Variants in SGCZ observed in about 807,000 individuals in gnomAD.
SGCZ encodes zeta-sarcoglycan.
SGCZ carries 40 observed loss-of-function variants against 41.3 expected under a neutral mutation model. The ratio of observed to expected loss-of-function variants is 0.97; its 90% CI spans 0.75 to 1.26. The LOEUF (loss-of-function observed/expected upper bound fraction) is 1.26. Ranked by LOEUF, SGCZ falls within the 50% of genes most tolerant of loss-of-function variation. The pLI, the probability that SGCZ is intolerant of heterozygous loss-of-function variation, is 0.00. For missense variants in SGCZ, 552 were observed against 369.8 expected (o/e 1.49, Z -4.04); for synonymous variants, 206 against 137.5 (o/e 1.50, Z -3.49).
chr8:14,360,807 A>G (rs1434642811), intron 2 of SGCZ, among the ~76,000 whole-genome samples: 5 of 152,164 alleles, frequency 3.3e-5, no homozygotes, highest in Non-Finnish European at 5.9e-5. Flanking sequence ...TTACTCTGCC[A>G]TAAATGCCGC....
At chr8:15,108,428 A>G (rs943837717) in intron 1 of SGCZ, among the ~76,000 whole-genome samples, 2 of 152,340 alleles carry the variant, frequency 1.3e-5, no homozygotes, top group East Asian at 3.9e-4. Flanking sequence ...CATTTGTTGC[A>G]TAGGAATTGG....
intron 3 of SGCZ, among the ~76,000 whole-genome samples, chr8:14,258,614 T>C (rs182279245): frequency 3.3e-5 from 5 of 152,300 alleles, no homozygotes; most frequent in African/African-American, 9.6e-5. Flanking sequence ...TATCTATATA[T>C]TGTGATACTG....
chr8:15,149,246 T>C (rs1799115274), intron 1 of SGCZ, among the ~76,000 whole-genome samples: 1 of 152,016 alleles, frequency 6.6e-6, no homozygotes, highest in Non-Finnish European at 1.5e-5. Context: ...TGGGATGAGG[T>C]CTGGAAGGGA....
At chr8:15,096,845 C>T (rs1006192277) in intron 1 of SGCZ, among the ~76,000 whole-genome samples, 12 of 152,150 alleles carry the variant, frequency 7.9e-5, no homozygotes, top group Admixed American at 3.3e-4. Flanking sequence ...ACCACCACAC[C>T]TGGCTAATTT....
At chr8:14,610,092 T>C (rs143564588) in intron 1 of SGCZ, among the ~76,000 whole-genome samples, 1 of 152,318 alleles carries the variant, frequency 6.6e-6, no homozygotes, top group African/African-American at 2.4e-5. Flanking sequence ...TGGGCCCTGC[T>C]GGAAATCTTT....
chr8:14,215,886 A>G (rs1805977512), intron 4 of SGCZ, among the ~76,000 whole-genome samples: 1 of 152,252 alleles, frequency 6.6e-6, no homozygotes, highest in South Asian at 2.1e-4. Context: ...TGCAACCCGC[A>G]GACACTGGAC....
intron 1 of SGCZ, among the ~76,000 whole-genome samples, chr8:15,206,164 T>C (rs1406551301): frequency 6.6e-6 from 1 of 152,300 alleles, no homozygotes; most frequent in Non-Finnish European, 1.5e-5. Context: ...CCTTCATATG[T>C]ATGCCGGAAC....
intron 2 of SGCZ, among the ~76,000 whole-genome samples, chr8:14,434,734 T>A (rs1213618611): frequency 2.0e-5 from 3 of 152,162 alleles, no homozygotes; most frequent in Admixed American, 6.5e-5. Flanking sequence ...GCAACAGCTA[T>A]TGTAAAAGAA....
chr8:14,385,790 T>A (rs1034003397), intron 2 of SGCZ, among the ~76,000 whole-genome samples: 4 of 152,158 alleles, frequency 2.6e-5, no homozygotes, highest in African/African-American at 9.7e-5. Context: ...CTAAAATGCA[T>A]GTTTAATAAC....
At chr8:14,514,546 T>C (rs913064327) in intron 2 of SGCZ, among the ~76,000 whole-genome samples, 5 of 151,436 alleles carry the variant, frequency 3.3e-5, no homozygotes, top group Non-Finnish European at 5.9e-5. Flanking sequence ...TTATCATCAG[T>C]GTATGAATTT....
intron 1 of SGCZ, among the ~76,000 whole-genome samples, chr8:14,731,165 G>A (rs1192336193): frequency 3.3e-5 from 5 of 151,766 alleles, no homozygotes; most frequent in African/African-American, 1.2e-4. Context: ...ACTGGATAAA[G>A]AAAATGTGGC....
intron 1 of SGCZ, among the ~76,000 whole-genome samples, chr8:14,593,740 A>T (rs774404292): frequency 6.6e-6 from 1 of 152,202 alleles, no homozygotes; most frequent in East Asian, 1.9e-4. Flanking sequence ...ATATTGAAAC[A>T]TTTTACATTG....
At chr8:15,235,300 A>G (rs776808042) in intron 1 of SGCZ, among the ~76,000 whole-genome samples, 2 of 152,230 alleles carry the variant, frequency 1.3e-5, no homozygotes, top group Non-Finnish European at 2.9e-5. Flanking sequence ...TGTAGTCAAA[A>G]CTGCCAACAT....
intron 2 of SGCZ, among the ~76,000 whole-genome samples, chr8:14,498,430 C>T (rs1167758855): frequency 6.6e-6 from 1 of 152,002 alleles, no homozygotes; most frequent in Non-Finnish European, 1.5e-5. Context: ...TATCATAATG[C>T]AATATGAGTG....
In SGCZ at chr8:14,966,223, A is replaced by G. The variant is rs932996703; in HGVS notation, c.39+271362T>C. 1.2e-4 allele frequency among the ~76,000 whole-genome samples: 18 copies of G among 151,950 alleles called. 1 individual carries two copies. The highest frequency in any genetic ancestry group is 4.3e-4 in the African/African-American group (18 of 41,408). ...CAAGAATGACTCCTATAAGAAAGAA[A>G]GGAGAAAAACAGGGGAAATATTGAT... On this transcript the variant is annotated intron_variant, in intron 1 of 7. Transcript: ENST00000382080.
intron 2 of SGCZ, among the ~76,000 whole-genome samples, chr8:14,389,824 G>A (rs978548447): frequency 5.3e-5 from 8 of 151,950 alleles, no homozygotes; most frequent in African/African-American, 1.7e-4. Flanking sequence ...GTTTGTTATT[G>A]TTGTCTAGTG....
chr8:14,841,839 C>T (rs1802927116), intron 1 of SGCZ, among the ~76,000 whole-genome samples: 2 of 152,048 alleles, frequency 1.3e-5, no homozygotes, highest in Admixed American at 1.3e-4. Flanking sequence ...AAAATTTTTC[C>T]CTATCACATC....
At chr8:15,197,954 A>G (rs1380671911) in intron 1 of SGCZ, among the ~76,000 whole-genome samples, 1 of 149,850 alleles carries the variant, frequency 6.7e-6, no homozygotes, top group Non-Finnish European at 1.5e-5. Flanking sequence ...AATACATACC[A>G]TATTTACATT....
intron 1 of SGCZ, among the ~76,000 whole-genome samples, chr8:14,795,879 T>C (rs544418429): frequency 6.6e-6 from 1 of 152,312 alleles, no homozygotes; most frequent in South Asian, 2.1e-4. Context: ...TATGTGTCCA[T>C]ATGTTCTCAT....
Sources: allele counts gnomAD v4.1 joint callset (sites outside exome capture counted in the v4.1 genomes callset), GRCh38; gene constraint gnomAD v4.1.1; transcripts MANE v1.5; gene names NCBI Gene and HGNC (gene_info 2026-07-23, HGNC 2026-07-21).